The following RHEB variants were observed in gnomAD, a reference collection of about 807,000 sequenced individuals.
RHEB encodes the protein GTP-binding protein Rheb.
In RHEB, 2 loss-of-function variants were observed where a neutral mutation model predicts 28.8. The ratio of observed to expected loss-of-function variants is 0.07; its 90% CI spans 0.03 to 0.22. The LOEUF (loss-of-function observed/expected upper bound fraction) is 0.22, where lower values mean the gene tolerates loss of function less well. Among genes scored for constraint, RHEB ranks in the 10% least tolerant of loss-of-function variants. The pLI is 1.00. For missense variants in RHEB, 76 were observed against 219.9 expected (o/e 0.35, Z 4.14); for synonymous variants, 69 against 77.3 (o/e 0.89, Z 0.56).
At position 151,470,670 on chromosome 7, in the gene RHEB, T is replaced by C; in HGVS notation, c.381-18A>G. ...TGATCACCCTAAAGAAAAAATAAAA[T>C]TCTAGTTAAAGTACTTTGCTCTTCA... is the stretch of plus-strand genomic sequence containing the variant. On this transcript the variant is annotated intron_variant, in intron 6 of 7. Coordinates refer to ENST00000262187, the MANE Select transcript of RHEB (RefSeq NM_005614.4). 1.3e-6 allele frequency: 2 copies of C among 1,558,146 alleles called. No individual in the cohort carries two copies. The highest frequency in any genetic ancestry group is 8.8e-7 in the Non-Finnish European group (1 of 1,136,090).
intron 1 of RHEB, among the ~76,000 whole-genome samples, chr7:151,499,002 G>T (rs1802721490): frequency 6.6e-6 from 1 of 152,144 alleles, no homozygotes; most frequent in South Asian, 2.1e-4. Flanking sequence ...CTAAGCCTGG[G>T]AATACATTGA....
chr7:151,496,080 C>T lies in RHEB; in HGVS notation c.53-5066G>A, dbSNP rs141482304. ...TGCAGAAGGGGGAGTCCATTAGAAC[C>T]GATGTAATGCATCTAGGACACAACC... On this transcript the variant is annotated intron_variant, in intron 1 of 7. Coordinates refer to ENST00000262187, the MANE Select transcript of RHEB (RefSeq NM_005614.4). 9.6e-4 allele frequency among the ~76,000 whole-genome samples: 146 copies of T among 152,280 alleles called. 8 individuals carry two copies. The South Asian group carries it at 0.029, about 30-fold the overall frequency.
At chr7:151,495,065 G>A (rs77677006) in intron 1 of RHEB, among the ~76,000 whole-genome samples, 143 of 152,286 alleles carry the variant, frequency 9.4e-4, no homozygotes, top group African/African-American at 3.2e-3. Context: ...AAAAGGCATT[G>A]GTGATCTCTA....
At chr7:151,476,403 C>T (rs899714655) in intron 4 of RHEB, among the ~76,000 whole-genome samples, 21 of 152,196 alleles carry the variant, frequency 1.4e-4, no homozygotes, top group Non-Finnish European at 2.9e-5. Context: ...AGAGAGCAAA[C>T]ACTTCTATCA....
intron 1 of RHEB, among the ~76,000 whole-genome samples, chr7:151,495,674 GGTGT>G (rs1361096266): frequency 1.3e-5 from 2 of 152,102 alleles, no homozygotes; most frequent in African/African-American, 4.8e-5. Flanking sequence ...TTATTAGCCC[GGTGT>G]GGTGGCTCAT....
intron 1 of RHEB, among the ~76,000 whole-genome samples, chr7:151,518,816 T>G (rs1367334400): frequency 6.6e-6 from 1 of 152,128 alleles, no homozygotes; most frequent in Non-Finnish European, 1.5e-5. Flanking sequence ...CCTTTTTCTC[T>G]GTCTTCCTAC....
intron 3 of RHEB, among the ~76,000 whole-genome samples, chr7:151,482,659 A>C (rs1317754658): frequency 6.6e-6 from 1 of 152,244 alleles, no homozygotes; most frequent in Non-Finnish European, 1.5e-5. Context: ...ATAGTGTCAG[A>C]GTCCCACAAT....
At chr7:151,514,898 G>A (rs1445310506) in intron 1 of RHEB, among the ~76,000 whole-genome samples, 1 of 151,974 alleles carries the variant, frequency 6.6e-6, no homozygotes, top group Admixed American at 6.6e-5. Flanking sequence ...AACTAGCTGG[G>A]TGTGATGGCG....
chr7:151,492,279 G>A (rs1220772029), intron 1 of RHEB, among the ~76,000 whole-genome samples: 1 of 152,114 alleles, frequency 6.6e-6, no homozygotes, highest in African/African-American at 2.4e-5. Context: ...TCACACCAAA[G>A]GCATTCCTTA....
At chr7:151,511,171 CAT>C (rs1412695950) in intron 1 of RHEB, among the ~76,000 whole-genome samples, 1 of 152,148 alleles carries the variant, frequency 6.6e-6, no homozygotes, top group African/African-American at 2.4e-5. Flanking sequence ...CATTTCATCT[CAT>C]AAAACTGTAT....
At chr7:151,470,829 A>G (rs1802148949) in intron 6 of RHEB, among the ~76,000 whole-genome samples, 177 bp from the exon 7 acceptor site, 1 of 152,236 alleles carries the variant, frequency 6.6e-6, no homozygotes, top group East Asian at 1.9e-4. Flanking sequence ...ATTACGCCTG[A>G]GCTGGGGAAC....
chr7:151,467,361 C>T (rs1022807069), intron 7 of RHEB, 150 bp from the exon 8 acceptor site: 7 of 634,258 alleles, frequency 1.1e-5, no homozygotes, highest in African/African-American at 7.3e-5. Context: ...CAGGGCCCCC[C>T]GACGCCCAGT....
At chr7:151,485,523 A>C (rs969010156) in intron 2 of RHEB, among the ~76,000 whole-genome samples, 6 of 152,206 alleles carry the variant, frequency 3.9e-5, no homozygotes, top group Admixed American at 1.3e-4. Context: ...TCTGACAAGG[A>C]AGTGGAACAG....
In RHEB at chr7:151,498,239, G is replaced by A; in HGVS notation, c.53-7225C>T. ...AGTACTGGAGGCAATTAAGGAAGAG[G>A]AAGAGAAGCAGCTCTCTAACTTTAG... On this transcript the variant is annotated intron_variant, in intron 1 of 7. Transcript: ENST00000262187. 7.5e-6 allele frequency: 7 copies of A among 931,872 alleles called. No homozygotes were observed. In the South Asian group the frequency reaches 9.5e-5, roughly 13 times the overall value. 57.7% of individuals were successfully genotyped at this position (931,872 alleles called of 1,614,324 possible). A position where few individuals can be genotyped will look rare whatever the true frequency, so the allele number is the denominator to read the frequency against.
At chr7:151,507,858 A>AT (rs1212296119) in intron 1 of RHEB, among the ~76,000 whole-genome samples, 1 of 152,220 alleles carries the variant, frequency 6.6e-6, no homozygotes, top group Non-Finnish European at 1.5e-5. Context: ...GTTTAATTAT[A>AT]TAACATGAAG....
chr7:151,469,464 G>A (rs1430956742), intron 7 of RHEB, among the ~76,000 whole-genome samples: 1 of 152,116 alleles, frequency 6.6e-6, no homozygotes, highest in Non-Finnish European at 1.5e-5. Context: ...TCCGTGCTGC[G>A]GAGAGGGGCG....
intron 1 of RHEB, among the ~76,000 whole-genome samples, chr7:151,491,915 A>G (rs1249445967): frequency 6.6e-6 from 1 of 152,218 alleles, no homozygotes; most frequent in Non-Finnish European, 1.5e-5. Flanking sequence ...ATAAATCAAC[A>G]ACTAGAGCCT....
At chr7:151,516,538 G>A (rs1479232144) in intron 1 of RHEB, among the ~76,000 whole-genome samples, 3 of 149,286 alleles carry the variant, frequency 2.0e-5, no homozygotes, top group East Asian at 2.0e-4. Context: ...CAGGAGAATC[G>A]GTTGAACCTG....
chr7:151,518,030 T>C (rs1172766636), intron 1 of RHEB: 3 of 151,876 alleles, frequency 2.0e-5, no homozygotes, highest in African/African-American at 7.3e-5. Flanking sequence ...CCAGGTTCCA[T>C]GTTGATATTT....
Sources: gnomAD v4.1 joint callset for allele counts (sites outside exome capture counted in the v4.1 genomes callset) on GRCh38, gnomAD v4.1.1 for gene constraint, MANE v1.5 for transcripts, NCBI Gene and HGNC (gene_info 2026-07-23, HGNC 2026-07-21) for gene names.